Variants in NEK1 observed in about 807,000 individuals in gnomAD.
NEK1 encodes NIMA related kinase 1.
Under a neutral mutation model 182.1 loss-of-function variants are expected in NEK1, and 137 were observed. That is an observed-to-expected ratio of 0.75 (90% confidence interval 0.65 to 0.87). NEK1 has a LOEUF of 0.87. Ranked by LOEUF, NEK1 falls within the 40% of genes least tolerant of loss-of-function variation. The pLI, the probability that NEK1 is intolerant of heterozygous loss-of-function variation, is 0.00. For missense variants in NEK1, 1,391 were observed against 1,494.4 expected, an observed-to-expected ratio of 0.93 and a Z score of 1.14; for synonymous variants, 513 against 492.2, an observed-to-expected ratio of 1.04 and a Z score of -0.56.
Position 169,507,696 on chromosome 4 carries a change from T to C in NEK1, c.1911+19A>G. The C allele has an allele frequency of 6.3e-7, 1 of 1,585,994 alleles. No homozygotes were observed. The highest frequency in any genetic ancestry group is 1.7e-5 in the Admixed American group (1 of 59,018). On this transcript the variant is annotated intron_variant, in intron 22 of 35. Transcript: ENST00000507142. ...TTTCAATTTTCTCTAAGAAAACCTG[T>C]ATCATTTCTAGTCTATACCTTCAGT...
At chr4:169,471,007 T>C (rs1224405418) in intron 26 of NEK1, among the ~76,000 whole-genome samples, 3 of 152,212 alleles carry the variant, frequency 2.0e-5, no homozygotes, top group Admixed American at 6.5e-5. Flanking sequence ...CTGGTTATTC[T>C]AGTGATAGTT....
chr4:169,412,039 C>G (rs1003423375), intron 31 of NEK1, among the ~76,000 whole-genome samples: 3 of 152,176 alleles, frequency 2.0e-5, no homozygotes, highest in Non-Finnish European at 4.4e-5. Flanking sequence ...CATTTATATT[C>G]TCCAATTAGA....
intron 19 of NEK1, among the ~76,000 whole-genome samples, chr4:169,512,093 C>A (rs2149709499): frequency 6.6e-6 from 1 of 152,128 alleles, no homozygotes; most frequent in South Asian, 2.1e-4. Flanking sequence ...GAATGAGTTT[C>A]TAAGTGACAA....
intron 27 of NEK1, among the ~76,000 whole-genome samples, chr4:169,456,870 A>G (rs559522251): frequency 6.6e-6 from 1 of 152,374 alleles, no homozygotes; most frequent in Admixed American, 6.5e-5. Flanking sequence ...ATGGAGTACT[A>G]TTCAGCCACA....
chr4:169,545,408 C>T (rs943539175), intron 18 of NEK1, among the ~76,000 whole-genome samples: 19 of 151,468 alleles, frequency 1.3e-4, no homozygotes, highest in Middle Eastern at 3.4e-3. Flanking sequence ...GCATAGTATT[C>T]CATGGTGTAT....
intron 27 of NEK1, among the ~76,000 whole-genome samples, chr4:169,460,903 G>C (rs1743847933): frequency 6.6e-6 from 1 of 152,174 alleles, no homozygotes. Flanking sequence ...GAAAATCTAT[G>C]AGTGTAGTGT....
At chr4:169,606,926 T>C (rs1342114615) in intron 2 of NEK1, among the ~76,000 whole-genome samples, 2 of 152,214 alleles carry the variant, frequency 1.3e-5, no homozygotes, top group African/African-American at 4.8e-5. Context: ...TGAAGAGAGT[T>C]TCCAAACTGT....
rs1018608022 is a variant in NEK1 at position 169,401,859 on chromosome 4, C to T, written c.3376G>A (p.Val1126Met). 1.9e-6 allele frequency: 3 copies of T among 1,598,938 alleles called. No individual in the cohort carries two copies. The African/African-American group carries it at 4.0e-5, about 21-fold the overall frequency. Residue 1126 changes from valine to methionine, a missense_variant and splice_region_variant, in exon 33 of 36, where the codon GTG becomes ATG. Around this residue, in one of 5 missense-constraint regions of NEK1, gnomAD observed 1,216 missense variants for 1,277.6 expected, o/e 0.95. Coordinates refer to ENST00000507142, the MANE Select transcript of NEK1 (RefSeq NM_001199397.3). ...KEGPSDSEDIVFEETDTDLQE... is the reference protein window; with the variant it reads ...KEGPSDSEDIMFEETDTDLQE... ...AAATCTGTGTCAGTTTCTTCAAACA[C>T]ACTGAAATTTAAAAAGTATAACTAA...
intron 32 of NEK1, among the ~76,000 whole-genome samples, chr4:169,403,179 G>C (rs1375199030): frequency 6.6e-6 from 1 of 152,144 alleles, no homozygotes; most frequent in African/African-American, 2.4e-5. Context: ...ACTTGTAGGA[G>C]CTATAGAAAA....
intron 19 of NEK1, among the ~76,000 whole-genome samples, chr4:169,526,946 C>T (rs1243996474): frequency 2.0e-5 from 3 of 152,104 alleles, no homozygotes; most frequent in African/African-American, 7.2e-5. Context: ...TAATCCATAA[C>T]CTTGTAAATT....
chr4:169,447,894 T>C (rs1740882746), intron 27 of NEK1, among the ~76,000 whole-genome samples: 1 of 151,434 alleles, frequency 6.6e-6, no homozygotes, highest in Admixed American at 6.6e-5. Flanking sequence ...ATAAAATAAA[T>C]AAACATTATG....
chr4:169,495,517 C>G (rs1202549113), intron 23 of NEK1, among the ~76,000 whole-genome samples: 1 of 152,194 alleles, frequency 6.6e-6, no homozygotes, highest in Non-Finnish European at 1.5e-5. Flanking sequence ...GCTGGGATTA[C>G]AGGCGTGAGC....
At chr4:169,476,532 A>G (rs1246843592) in intron 26 of NEK1, among the ~76,000 whole-genome samples, 3 of 152,152 alleles carry the variant, frequency 2.0e-5, no homozygotes, top group African/African-American at 7.2e-5. Context: ...CCAATGCAAG[A>G]AAAAATTCTA....
chr4:169,447,988 C>A (rs868311474), intron 27 of NEK1, among the ~76,000 whole-genome samples: 1 of 151,914 alleles, frequency 6.6e-6, no homozygotes, highest in Non-Finnish European at 1.5e-5. Flanking sequence ...AATTTGAAAC[C>A]AGCCTGGGCA....
At chr4:169,422,911 T>C (rs1029659238) in intron 31 of NEK1, among the ~76,000 whole-genome samples, 4 of 152,232 alleles carry the variant, frequency 2.6e-5, no homozygotes, top group Non-Finnish European at 5.9e-5. Flanking sequence ...AATTGTATGA[T>C]AGTCCTTATC....
intron 12 of NEK1, among the ~76,000 whole-genome samples, chr4:169,567,405 ATTTT>A (rs541042339): frequency 6.8e-6 from 1 of 146,768 alleles, no homozygotes; most frequent in Non-Finnish European, 1.5e-5. Flanking sequence ...GAAAAAAAAA[ATTTT>A]TTTTTTTTTG....
rs772080109 is a variant in NEK1, at chr4:169,406,671, A to C, written c.3299T>G (p.Val1100Gly). The C allele has an allele frequency of 6.2e-7, 1 of 1,610,310 alleles. No homozygotes were observed. The highest frequency in any genetic ancestry group is 1.1e-5 in the South Asian group (1 of 90,358). Residue 1100 changes from valine to glycine, a missense_variant, in exon 32 of 36, where the codon GTT becomes GGT. Around this residue, in one of 5 missense-constraint regions of NEK1, gnomAD observed 1,216 missense variants for 1,277.6 expected, o/e 0.95. Transcript: ENST00000507142. Reference sequence around the variant, plus strand: ...ATCTATTTCAAGATTGTCTTGACGAACATCTCCTACGGTGGGAACATCCAT... The same window carrying C: ...ATCTATTTCAAGATTGTCTTGACGACCATCTCCTACGGTGGGAACATCCAT... Reference protein sequence around the residue: ...TLMDVPTVGDVRQDNLEIDEI... With the variant: ...TLMDVPTVGDGRQDNLEIDEI...
Position 169,401,823 on chromosome 4 carries a change from G to A in NEK1, c.3412C>T (p.Gln1138Ter), listed in dbSNP as rs1189945519. ...CTAAGTAACTGTTCCATCGAGGCCT[G>A]CAGCTCTTGTAAATCTGTGTCAGTT... ...EETDTDLQELQASMEQLLREQ... is the reference protein window; with the variant it reads ...EETDTDLQEL Residue 1138 changes from glutamine to a stop codon, truncating the protein, a stop_gained, in exon 33 of 36, where the codon CAG becomes TAG. Coordinates refer to ENST00000507142, the MANE Select transcript of NEK1 (RefSeq NM_001199397.3). LOFTEE classifies it high-confidence loss of function. 3 of 1,613,040 alleles carry A rather than the reference G, an allele frequency of 1.9e-6. No individual in the cohort carries two copies. The highest frequency in any genetic ancestry group is 1.3e-5 in the African/African-American group (1 of 74,884).
At chr4:169,544,026 T>C (rs1355821726) in intron 18 of NEK1, among the ~76,000 whole-genome samples, 1 of 152,204 alleles carries the variant, frequency 6.6e-6, no homozygotes, top group East Asian at 1.9e-4. Flanking sequence ...ATATGTTGAA[T>C]AGGAGTGGTG....
Sources: gnomAD v4.1 joint callset for allele counts (sites outside exome capture counted in the v4.1 genomes callset) on GRCh38, gnomAD v4.1.1 for gene constraint, gnomAD v4.1.1 regional missense constraint, MANE v1.5 for transcripts, NCBI Gene and HGNC (gene_info 2026-07-23, HGNC 2026-07-21) for gene names.